Variants in PUDP observed in about 807,000 individuals in gnomAD.
The protein encoded by PUDP is pseudouridine-5'-phosphatase.
A neutral mutation model predicts 9.4 loss-of-function variants in PUDP; 8 were observed. That is an observed-to-expected ratio of 0.85 (90% CI 0.50 to 1.53). PUDP has a LOEUF of 1.53. PUDP is among the 40% of genes most tolerant of loss of function. The pLI is 0.00. For missense variants in PUDP, 188 were observed against 189.7 expected, an observed-to-expected ratio of 0.99 and a Z score of 0.05; for synonymous variants, 99 against 80.7, an observed-to-expected ratio of 1.23 and a Z score of -1.22.
chrX:6,904,375 T>C (rs1052254578), intron 3 of PUDP, among the ~76,000 whole-genome samples: 3 of 110,518 alleles, frequency 2.7e-5, no homozygotes, highest in African/African-American at 6.6e-5. Context: ...ATCTGGTGAG[T>C]AGAGACCAGG....
chrX:7,122,583 A>G (rs1279760722), intron 1 of PUDP, among the ~76,000 whole-genome samples: 9 of 111,524 alleles, frequency 8.1e-5, no homozygotes, highest in African/African-American at 2.9e-4. Context: ...ATGCTTTGTA[A>G]CCACCCCCTG....
intron 3 of PUDP, among the ~76,000 whole-genome samples, chrX:6,864,504 T>C (rs908923768): frequency 6.9e-4 from 77 of 111,364 alleles, no homozygotes; most frequent in African/African-American, 2.3e-3. Flanking sequence ...CTAATCAAAG[T>C]AGGGGGCCAT....
At chrX:6,950,759 T>C (rs1275500635) in intron 3 of PUDP, among the ~76,000 whole-genome samples, 2 of 111,468 alleles carry the variant, frequency 1.8e-5, no homozygotes, top group Non-Finnish European at 3.8e-5. Flanking sequence ...AAAAATGAGA[T>C]TAACATTTAA....
At chrX:6,750,556 G>C (rs1265697618) in intron 3 of PUDP, among the ~76,000 whole-genome samples, 2 of 111,632 alleles carry the variant, frequency 1.8e-5, no homozygotes, top group East Asian at 2.8e-4. Context: ...ACTTCAGGTA[G>C]ATGGGGTTTT....
chrX:7,054,187 T>A (rs1930175921), intron 3 of PUDP, among the ~76,000 whole-genome samples: 1 of 111,555 alleles, frequency 9.0e-6, no homozygotes, highest in South Asian at 3.8e-4. Context: ...GGTACGCGGA[T>A]CACTTGAGGT....
chrX:6,840,060 T>C (rs1034917599), intron 3 of PUDP, among the ~76,000 whole-genome samples: 1 of 111,484 alleles, frequency 9.0e-6, no homozygotes, highest in Non-Finnish European at 1.9e-5. Flanking sequence ...ATAATTCCCA[T>C]GTGTTGTGGG....
intron 3 of PUDP, among the ~76,000 whole-genome samples, chrX:7,052,783 T>C (rs1241627452): frequency 9.0e-6 from 1 of 111,397 alleles, no homozygotes; most frequent in African/African-American, 3.3e-5. Flanking sequence ...GGGCAGGATG[T>C]TCCGTGCTAC....
chrX:6,980,191 TTCTTCTCTTC>T (rs1260220260), intron 1 of PUDP, among the ~76,000 whole-genome samples: 2 of 87,142 alleles, frequency 2.3e-5, no homozygotes, highest in South Asian at 1.8e-3. Flanking sequence ...TCTTCCTTCC[TTCTTCTCTTC>T]TCTTCTCTTT....
chrX:7,042,298 C>A (rs1209367034), intron 1 of PUDP, among the ~76,000 whole-genome samples: 3 of 110,953 alleles, frequency 2.7e-5, no homozygotes, highest in Non-Finnish European at 5.7e-5. Flanking sequence ...GTTCTTCTCA[C>A]CAACGTCACG....
intron 3 of PUDP, among the ~76,000 whole-genome samples, chrX:6,803,683 C>T (rs1926002591): frequency 8.9e-6 from 1 of 112,129 alleles, no homozygotes; most frequent in African/African-American, 3.2e-5. Context: ...CCGAGTTCGA[C>T]GCATTTCCTC....
chrX:7,076,403 C>T (rs1472756309), intron 3 of PUDP, among the ~76,000 whole-genome samples: 1 of 111,868 alleles, frequency 8.9e-6, no homozygotes, highest in Non-Finnish European at 1.9e-5. Context: ...ACACTTACAT[C>T]GCCAGCGGGA....
At chrX:6,774,695 T>A (rs757814166) in intron 3 of PUDP, among the ~76,000 whole-genome samples, 1 of 112,073 alleles carries the variant, frequency 8.9e-6, no homozygotes, top group African/African-American at 3.2e-5. Context: ...GACACACAGT[T>A]AGCAAAGTGC....
intron 2 of PUDP, among the ~76,000 whole-genome samples, chrX:7,095,577 C>T (rs1188245785): frequency 8.9e-6 from 1 of 111,845 alleles, no homozygotes; most frequent in Non-Finnish European, 1.9e-5. Context: ...GCCCCAGCAC[C>T]GAGCTGTGAA....
At chrX:7,113,331 C>A (rs776779004) in intron 1 of PUDP, 2 of 113,156 alleles carry the variant, frequency 1.8e-5, no homozygotes, top group African/African-American at 6.4e-5. Flanking sequence ...ATGAGGGCGA[C>A]GGTCTTATGT....
chrX:6,975,564 T>C (rs993442160), intron 3 of PUDP, among the ~76,000 whole-genome samples: 4 of 111,586 alleles, frequency 3.6e-5, no homozygotes, highest in African/African-American at 9.8e-5. Context: ...CAAAGATTGC[T>C]GCCTGTTCCT....
chrX:6,816,656 G>A (rs183162075), intron 3 of PUDP, among the ~76,000 whole-genome samples: 318 of 98,286 alleles, frequency 3.2e-3, no homozygotes, highest in Non-Finnish European at 5.1e-3. Flanking sequence ...TACTATATTT[G>A]TATAGTTTAT....
chrX:7,052,861 C>A (rs1451467433), intron 3 of PUDP, among the ~76,000 whole-genome samples: 1 of 111,692 alleles, frequency 9.0e-6, no homozygotes, highest in Admixed American at 9.5e-5. Flanking sequence ...GCCTCTGATG[C>A]CCCCTGGTTT....
chrX:7,066,944 A>G (rs1046611321), intron 3 of PUDP, among the ~76,000 whole-genome samples: 1 of 111,750 alleles, frequency 8.9e-6, no homozygotes, highest in African/African-American at 3.3e-5. Flanking sequence ...GTTTTGTTAC[A>G]TTTTCCATTG....
intron 1 of PUDP, among the ~76,000 whole-genome samples, chrX:7,015,616 C>G (rs972533021): frequency 3.6e-5 from 4 of 111,299 alleles, no homozygotes; most frequent in Non-Finnish European, 7.5e-5. Context: ...ATTCTGTCAC[C>G]CAGGGTAAAG....
Sources: gnomAD v4.1 joint callset for allele counts (sites outside exome capture counted in the v4.1 genomes callset) on GRCh38, gnomAD v4.1.1 for gene constraint, MANE v1.5 for transcripts, NCBI Gene and HGNC (gene_info 2026-07-23, HGNC 2026-07-21) for gene names.